CRLF3: variants seen among roughly 807,000 people sequenced by gnomAD.
CRLF3 encodes cytokine receptor like factor 3, also known as cytokine receptor-like factor 3.
CRLF3 carries 33 observed loss-of-function variants against 55.0 expected under a neutral mutation model. The observed-to-expected ratio is 0.60, with a 90% CI of 0.46 to 0.80. CRLF3 has a LOEUF of 0.80. Ranked by LOEUF, CRLF3 falls within the 30% of genes least tolerant of loss-of-function variation. CRLF3 has a pLI of 0.00. For missense variants in CRLF3, 494 were observed against 538.4 expected, an observed-to-expected ratio of 0.92 and a Z score of 0.82; for synonymous variants, 238 against 196.8, an observed-to-expected ratio of 1.21 and a Z score of -1.75.
chr17:30,787,206 TAGA>T (rs1597912177), intron 6 of CRLF3, among the ~76,000 whole-genome samples: 2 of 152,212 alleles, frequency 1.3e-5, no homozygotes, highest in Non-Finnish European at 2.9e-5. Flanking sequence ...TCTAGACACA[TAGA>T]AGGTTTGTCA....
rs1290507051 is a variant in CRLF3 at position 30,803,895 on chromosome 17, C to T, written c.337+6G>A. Reference sequence around the variant, plus strand: ...CACTAATACAACAGGCTCCCTGGTCCCCCACCTTCTCGGACTAAGTCCTCT... The same window carrying T: ...CACTAATACAACAGGCTCCCTGGTCTCCCACCTTCTCGGACTAAGTCCTCT... On this transcript the variant is annotated splice_donor_region_variant and intron_variant, in intron 2 of 7. Transcript: ENST00000324238. 6 of 1,605,058 alleles carry T rather than the reference C, an allele frequency of 3.7e-6. No homozygotes were observed. In the African/African-American group the frequency reaches 6.7e-5, roughly 18 times the overall value.
Position 30,783,179 on chromosome 17 carries a change from G to A in CRLF3, c.*1008C>T, listed in dbSNP as rs1971540312. 2 of 152,158 alleles carry A rather than the reference G, an allele frequency of 1.3e-5. No homozygotes were observed. The highest frequency in any genetic ancestry group is 2.9e-5 in the Non-Finnish European group (2 of 68,036). 9.4% of individuals were successfully genotyped at this position (152,158 alleles called of 1,614,324 possible). A position where few individuals can be genotyped will look rare whatever the true frequency, so the allele number is the denominator to read the frequency against. ...ACACACGTGCATATTACATACATAT[G>A]AAATGGCTAACACTGCTGTGCATAC... On this transcript the variant is annotated 3_prime_UTR_variant, in exon 8 of 8. Transcript: ENST00000324238.
chr17:30,824,394 T>C (rs1905080488), intron 1 of CRLF3, 129 bp downstream of exon 1: 1 of 999,786 alleles, frequency 1.0e-6, no homozygotes, highest in Admixed American at 3.2e-5. Context: ...TAGGTCTCCT[T>C]TCAAATGAAT....
chr17:30,803,862 G>C (rs3794796), intron 2 of CRLF3, 39 bp downstream of exon 2: 178,882 of 1,431,582 alleles, frequency 0.12, 12,619 homozygotes, highest in South Asian at 0.25. Context: ...TGTGAAAATG[G>C]ACGAATGCAC....
chr17:30,793,741 T>A (rs1597919086), intron 4 of CRLF3, 69 bp from the exon 5 acceptor site: 1 of 1,138,288 alleles, frequency 8.8e-7, no homozygotes. Context: ...TGCTTAAAAA[T>A]TTTGAACGGA....
intron 1 of CRLF3, among the ~76,000 whole-genome samples, chr17:30,824,004 A>C (rs914333786): frequency 2.0e-5 from 3 of 152,030 alleles, no homozygotes; most frequent in African/African-American, 7.3e-5. Context: ...AACCGCATTT[A>C]TTGTCAAATG....
chr17:30,792,420 A>ATGTT lies in CRLF3; in HGVS notation c.959+16_959+19dup. 1 of 1,594,194 alleles carries ATGTT rather than the reference A, an allele frequency of 6.3e-7. No individual in the cohort carries two copies. ...CACTCTGCTTCCTGAGGCAGGTGAG[A>ATGTT]TGTTTTAATATCTACTTGCCTGAAT... On this transcript the variant is annotated intron_variant, in intron 6 of 7. Coordinates refer to ENST00000324238, the MANE Select transcript of CRLF3 (RefSeq NM_015986.4).
Position 30,784,051 on chromosome 17 carries a change from A to C in CRLF3, c.*136T>G. 1.4e-6 allele frequency: 1 copy of C among 736,844 alleles called. No homozygotes were observed. The highest frequency in any genetic ancestry group is 2.2e-6 in the Non-Finnish European group (1 of 453,772). 45.6% of individuals were successfully genotyped at this position (736,844 alleles called of 1,614,324 possible). A position where few individuals can be genotyped will look rare whatever the true frequency, so the allele number is the denominator to read the frequency against. ...AAGTCTCTTTTTGCTAAAATATTAC[A>C]AAATGAATCCAGTAAACACTTTCCA... On this transcript the variant is annotated 3_prime_UTR_variant, in exon 8 of 8. Coordinates refer to ENST00000324238, the MANE Select transcript of CRLF3 (RefSeq NM_015986.4).
intron 6 of CRLF3, among the ~76,000 whole-genome samples, chr17:30,789,947 C>T (rs758920456): frequency 4.0e-5 from 6 of 151,748 alleles, no homozygotes; most frequent in Non-Finnish European, 8.8e-5. Context: ...GTACAGAAAA[C>T]TCATGATTAC....
At chr17:30,807,973 T>G (rs1904469585) in intron 1 of CRLF3, among the ~76,000 whole-genome samples, 1 of 152,160 alleles carries the variant, frequency 6.6e-6, no homozygotes, top group African/African-American at 2.4e-5. Context: ...CAAGTAAAAA[T>G]TTTAAAAAGA....
At chr17:30,822,849 AAT>A (rs1337779593) in intron 1 of CRLF3, among the ~76,000 whole-genome samples, 12 of 152,200 alleles carry the variant, frequency 7.9e-5, no homozygotes, top group Non-Finnish European at 1.3e-4. Context: ...ATGGTATTTT[AAT>A]ATCTTTCTTT....
At chr17:30,806,436 T>C (rs1283987566) in intron 1 of CRLF3, among the ~76,000 whole-genome samples, 2 of 152,142 alleles carry the variant, frequency 1.3e-5, no homozygotes, top group African/African-American at 4.8e-5. Flanking sequence ...ATCCCAGACC[T>C]ACTGAACCAG....
chr17:30,787,264 A>G (rs1971669679), intron 6 of CRLF3, among the ~76,000 whole-genome samples: 2 of 152,220 alleles, frequency 1.3e-5, no homozygotes, highest in Admixed American at 6.5e-5. Context: ...CAGCGCCTAA[A>G]TCTTCCATAT....
Position 30,783,965 on chromosome 17 carries a change from A to G in CRLF3, c.*222T>C. ...CCAATTTGATTTTTATTGTGATGTG[A>G]TATTTAACAGTATGCTAAAAATAAA... On this transcript the variant is annotated 3_prime_UTR_variant, in exon 8 of 8. Coordinates refer to ENST00000324238, the MANE Select transcript of CRLF3 (RefSeq NM_015986.4). The G allele has an allele frequency of 2.0e-6, 1 of 491,282 alleles. No homozygotes were observed. The highest frequency in any genetic ancestry group is 3.6e-6 in the Non-Finnish European group (1 of 277,898). 30.4% of individuals were successfully genotyped at this position (491,282 alleles called of 1,614,324 possible). A position where few individuals can be genotyped will look rare whatever the true frequency, so the allele number is the denominator to read the frequency against.
At chr17:30,793,187 A>G (rs1239422245) in intron 5 of CRLF3, among the ~76,000 whole-genome samples, 5 of 152,008 alleles carry the variant, frequency 3.3e-5, no homozygotes, top group African/African-American at 9.7e-5. Flanking sequence ...ATAAAAAGGA[A>G]TATCAGTGCC....
At chr17:30,815,328 C>A (rs1904761881) in intron 1 of CRLF3, among the ~76,000 whole-genome samples, 1 of 151,452 alleles carries the variant, frequency 6.6e-6, no homozygotes, top group South Asian at 2.1e-4. Flanking sequence ...TCAGGTGATC[C>A]ACCCGCCTTG....
intron 1 of CRLF3, among the ~76,000 whole-genome samples, chr17:30,807,124 T>G (rs1220759931): frequency 2.6e-5 from 4 of 152,080 alleles, no homozygotes; most frequent in Non-Finnish European, 5.9e-5. Context: ...AATGGGAAAA[T>G]TCTAACTATA....
chr17:30,796,405 A>T, intron 3 of CRLF3, 68 bp from the exon 4 acceptor site: 1 of 1,309,214 alleles, frequency 7.6e-7, no homozygotes. Flanking sequence ...GAAATATTTT[A>T]GAGCAGTCAC....
intron 1 of CRLF3, among the ~76,000 whole-genome samples, chr17:30,812,279 C>G (rs2142269276): frequency 6.6e-6 from 1 of 152,084 alleles, no homozygotes; most frequent in South Asian, 2.1e-4. Flanking sequence ...ATAATGGAAA[C>G]AGCAACAATA....
Sources: gnomAD v4.1 joint callset for allele counts (sites outside exome capture counted in the v4.1 genomes callset) on GRCh38, gnomAD v4.1.1 for gene constraint, MANE v1.5 for transcripts, NCBI Gene and HGNC (gene_info 2026-07-23, HGNC 2026-07-21) for gene names.